Variants in ZNF813 observed in about 807,000 individuals in gnomAD.
The protein encoded by ZNF813 is zinc finger protein 813.
A neutral mutation model predicts 7.2 loss-of-function variants in ZNF813; 3 were observed. That is an observed-to-expected ratio of 0.42 (90% CI 0.19 to 1.08). The LOEUF (loss-of-function observed/expected upper bound fraction) is 1.08. ZNF813 is among the 50% of genes least tolerant of loss of function. ZNF813 has a pLI of 0.30. For synonymous variants in ZNF813, 227 were observed against 256.3 expected, an observed-to-expected ratio of 0.89 and a Z score of 1.09; for missense variants, 714 against 753.3, an observed-to-expected ratio of 0.95 and a Z score of 0.61.
chr19:53,469,874 T>G (rs1312139320), intron 1 of ZNF813, among the ~76,000 whole-genome samples: 2 of 151,702 alleles, frequency 1.3e-5, no homozygotes, highest in African/African-American at 4.8e-5. Context: ...TGCGGGAAAC[T>G]GAGGACTAGA....
intron 3 of ZNF813, chr19:53,488,213 G>C (rs1378207446): frequency 2.2e-6 from 1 of 455,160 alleles, no homozygotes; most frequent in Non-Finnish European, 4.4e-6. Context: ...AATAGACACA[G>C]GGTTTCTCCT....
chr19:53,482,418 G>A (rs1173326647), intron 1 of ZNF813, among the ~76,000 whole-genome samples: 4 of 152,200 alleles, frequency 2.6e-5, no homozygotes, highest in African/African-American at 7.2e-5. Context: ...CCCTGCCAGT[G>A]TCCAGCCTCC....
chr19:53,489,707 C>A (rs997544007), intron 3 of ZNF813, among the ~76,000 whole-genome samples: 8 of 152,016 alleles, frequency 5.3e-5, no homozygotes, highest in Admixed American at 1.3e-4. Context: ...ATTGTATTAA[C>A]TTTTATTTTG....
intron 1 of ZNF813, among the ~76,000 whole-genome samples, chr19:53,472,607 CTTTCTT>C (rs1339308306): frequency 1.5e-4 from 20 of 136,500 alleles, no homozygotes; most frequent in African/African-American, 5.3e-4. Flanking sequence ...AAGTACAAGT[CTTTCTT>C]TTTTTTTTTT....
In ZNF813 at chr19:53,492,222, C is replaced by G. The variant is rs533471366; in HGVS notation, c.*136C>G. On this transcript the variant is annotated 3_prime_UTR_variant, in exon 4 of 4. Coordinates refer to ENST00000396403, the MANE Select transcript of ZNF813 (RefSeq NM_001004301.4). ...ACTGGAGAGAAACAAGTGTAATGAA[C>G]GTTGCAAAATTTTTAATCAACAAGC... is the stretch of plus-strand genomic sequence containing the variant. 7.4e-7 allele frequency: 1 copy of G among 1,344,012 alleles called. No homozygotes were observed. The highest frequency in any genetic ancestry group is 1.0e-6 in the Non-Finnish European group (1 of 985,400). The allele number at this position is 1,344,012 out of a possible 1,614,324, so 83.3% of individuals were successfully genotyped here. A position where few individuals can be genotyped will look rare whatever the true frequency, so the allele number is the denominator to read the frequency against.
intron 1 of ZNF813, among the ~76,000 whole-genome samples, chr19:53,477,330 C>A (rs1299434993): frequency 6.6e-6 from 1 of 151,992 alleles, no homozygotes; most frequent in Non-Finnish European, 1.5e-5. Context: ...TTGCAGATGC[C>A]CTGTATGGAT....
rs1168155040 is a variant in ZNF813, at chr19:53,492,537, AACCTT to A, written c.*454_*458del. 4 of 518,086 alleles carry A rather than the reference AACCTT, an allele frequency of 7.7e-6. No individual in the cohort carries two copies. The African/African-American group carries it at 7.8e-5, about 10-fold the overall frequency. 32.1% of individuals were successfully genotyped at this position (518,086 alleles called of 1,614,324 possible). Reference sequence around the variant, plus strand: ...CATCCTAGAATTTATACTGGAGAGAAACCTTACAAGTGTAATGAGTCTGGCAAAGC... The same window carrying A: ...CATCCTAGAATTTATACTGGAGAGAAACAAGTGTAATGAGTCTGGCAAAGC... On this transcript the variant is annotated 3_prime_UTR_variant, in exon 4 of 4. Transcript: ENST00000396403.
At chr19:53,487,622 A>T (rs117073161) in intron 3 of ZNF813, among the ~76,000 whole-genome samples, 1,797 of 151,780 alleles carry the variant, frequency 0.012, 23 homozygotes, top group Non-Finnish European at 0.02. Flanking sequence ...ACATGGCAAA[A>T]CTCCATCTCT....
rs374525642 is a variant in ZNF813 at position 53,490,880 on chromosome 19, A to G, written c.648A>G (p.Gln216=). The G allele has an allele frequency of 4.6e-5, 75 of 1,614,118 alleles. No homozygotes were observed. The highest frequency in any genetic ancestry group is 6.1e-5 in the Non-Finnish European group (72 of 1,180,046). The change falls in exon 4 of 4, where the codon CAA becomes CAG. Residue 216 remains glutamine (Q), a synonymous_variant. Coordinates refer to ENST00000396403, the MANE Select transcript of ZNF813 (RefSeq NM_001004301.4). The stretch of plus-strand genomic sequence containing the variant: ...TACACATGAGAGAAAAGTCTTTCCA[A>G]TGTAATGAGAGTGGCAAAGCCTTTA... The part of the protein sequence containing the change: ...QEVHMREKSF[Q]CNESGKAFNY...
At chr19:53,488,615 G>T (rs193242069) in intron 3 of ZNF813, among the ~76,000 whole-genome samples, 1 of 149,686 alleles carries the variant, frequency 6.7e-6, no homozygotes, top group African/African-American at 2.5e-5. Flanking sequence ...GTGGAGGCAG[G>T]ATTTCATGGT....
Position 53,491,927 on chromosome 19 carries a change from C to T in ZNF813, c.1695C>T (p.His565=). 1 of 1,611,038 alleles carries T rather than the reference C, an allele frequency of 6.2e-7. No individual in the cohort carries two copies. Among genetic ancestry groups the T allele is most frequent in the Non-Finnish European group, 8.5e-7 (1 of 1,178,388 alleles). Residue 565 remains histidine, a synonymous_variant, in exon 4 of 4, where the codon CAC becomes CAT. Transcript: ENST00000396403. Reference sequence around the variant, plus strand: ...GCAAGGTTTTTAATCAAAAAGCACACCTTGCACGTCACCATAGACTTCATA... The same window carrying T: ...GCAAGGTTTTTAATCAAAAAGCACATCTTGCACGTCACCATAGACTTCATA... ...ECGKVFNQKA[H]LARHHRLHTG...
At chr19:53,486,601 A>G (rs745758663) in intron 2 of ZNF813, 31 bp from the exon 3 acceptor site, 2 of 1,613,974 alleles carry the variant, frequency 1.2e-6, no homozygotes, top group Non-Finnish European at 1.7e-6. Context: ...TCCTCCCATA[A>G]CAATTTCCTT....
chr19:53,468,544 G>A (rs1173139550), intron 1 of ZNF813, among the ~76,000 whole-genome samples: 1 of 152,164 alleles, frequency 6.6e-6, no homozygotes, highest in African/African-American at 2.4e-5. Flanking sequence ...CTAGTGAGGG[G>A]AGTGTAGCAG....
Position 53,492,598 on chromosome 19 carries a change from C to T in ZNF813, c.*512C>T. 1.5e-6 allele frequency: 1 copy of T among 646,298 alleles called. No homozygotes were observed. Among genetic ancestry groups the T allele is most frequent in the South Asian group, 1.4e-5 (1 of 71,652 alleles). 40.0% of individuals were successfully genotyped at this position (646,298 alleles called of 1,614,324 possible). ...TGAGCAGTCAACACTTACTCACCATCAGGCAATCCATGGTGAAGGAAACTT... is the reference window on the plus strand; with the variant it reads ...TGAGCAGTCAACACTTACTCACCATTAGGCAATCCATGGTGAAGGAAACTT... On this transcript the variant is annotated 3_prime_UTR_variant, in exon 4 of 4. Coordinates refer to ENST00000396403, the MANE Select transcript of ZNF813 (RefSeq NM_001004301.4).
chr19:53,483,797 G>A lies in ZNF813; in HGVS notation c.-26G>A, dbSNP rs1439646786. ...GTATGTGAGGAAGAAACCTGGAAGA[G>A]GAAGAGGAAAGCAAAGGAGTCAGGG... On this transcript the variant is annotated 5_prime_UTR_variant, in exon 2 of 4. Coordinates refer to ENST00000396403, the MANE Select transcript of ZNF813 (RefSeq NM_001004301.4). The A allele has an allele frequency of 1.2e-6, 2 of 1,613,156 alleles. No homozygotes were observed. Among genetic ancestry groups the A allele is most frequent in the South Asian group, 2.2e-5 (2 of 91,080 alleles).
intron 2 of ZNF813, among the ~76,000 whole-genome samples, chr19:53,484,599 C>T (rs1414095433): frequency 6.6e-6 from 1 of 152,194 alleles, no homozygotes; most frequent in Non-Finnish European, 1.5e-5. Context: ...AAGTCTTGGT[C>T]TGTCACCTAG....
At chr19:53,468,725 G>GC in intron 1 of ZNF813, among the ~76,000 whole-genome samples, 1 of 152,294 alleles carries the variant, frequency 6.6e-6, no homozygotes, top group East Asian at 1.9e-4. Flanking sequence ...ATTGCTGCCA[G>GC]CATATCTCGC....
At chr19:53,486,807 T>C in intron 3 of ZNF813, 49 bp downstream of exon 3, 2 of 1,613,114 alleles carry the variant, frequency 1.2e-6, no homozygotes, top group East Asian at 4.5e-5. Context: ...TGTGTATCTT[T>C]GTATTTTCTC....
rs561684629 is a variant in ZNF813, at chr19:53,485,743, G to A, written c.16-889G>A. Among the ~76,000 whole-genome samples the A allele has an allele frequency of 6.4e-4, 98 of 152,076 alleles. 1 individual carries two copies. The highest frequency in any genetic ancestry group is 1.9e-3 in the African/African-American group (78 of 41,488). On this transcript the variant is annotated intron_variant, in intron 2 of 3. Coordinates refer to ENST00000396403, the MANE Select transcript of ZNF813 (RefSeq NM_001004301.4). ...TTTTATTTTAAGACTGGGTCTCACC[G>A]TATTGCCCAGGCTGGAGCACAGTGG...
Sources: allele counts gnomAD v4.1 joint callset (sites outside exome capture counted in the v4.1 genomes callset), GRCh38; gene constraint gnomAD v4.1.1; transcripts MANE v1.5; gene names NCBI Gene and HGNC (gene_info 2026-07-23, HGNC 2026-07-21).